The following PCSK2 variants were observed in gnomAD, a reference collection of about 807,000 sequenced individuals.
PCSK2 encodes neuroendocrine convertase 2.
In PCSK2, 14 loss-of-function variants were observed where a neutral mutation model predicts 69.7. The observed-to-expected ratio is 0.20, with a 90% CI of 0.13 to 0.31. The LOEUF is 0.31. Ranked by LOEUF, PCSK2 falls within the 10% of genes least tolerant of loss-of-function variation. The pLI is 1.00. For missense variants in PCSK2, 544 were observed against 842.5 expected, an observed-to-expected ratio of 0.65 and a Z score of 4.39; for synonymous variants, 307 against 320.7, an observed-to-expected ratio of 0.96 and a Z score of 0.46.
chr20:17,323,294 G>A (rs1461000355), intron 2 of PCSK2, among the ~76,000 whole-genome samples: 6 of 152,196 alleles, frequency 3.9e-5, no homozygotes, highest in Admixed American at 3.9e-4. Context: ...CACACAGAGG[G>A]ATGACCATGT....
At chr20:17,368,451 T>C (rs2030665100) in intron 4 of PCSK2, among the ~76,000 whole-genome samples, 1 of 152,180 alleles carries the variant, frequency 6.6e-6, no homozygotes. Flanking sequence ...TTATGCTAGA[T>C]GGTGTCAAGA....
chr20:17,272,947 G>C (rs1987927213), intron 2 of PCSK2, among the ~76,000 whole-genome samples: 1 of 152,074 alleles, frequency 6.6e-6, no homozygotes, highest in African/African-American at 2.4e-5. Flanking sequence ...AAAAGTACCA[G>C]ACCAACATGT....
intron 2 of PCSK2, among the ~76,000 whole-genome samples, chr20:17,341,927 C>A (rs952549636): frequency 6.6e-6 from 1 of 152,182 alleles, no homozygotes; most frequent in African/African-American, 2.4e-5. Context: ...ATTTTTGCAT[C>A]TTTCCAATCC....
chr20:17,238,717 G>T lies in PCSK2; in HGVS notation c.177+11235G>T, dbSNP rs76593141. ...AATTCATTTCAGGTCCTCCTGATGT[G>T]CTTTTTTGGTTTGTTTTTTTACCAT... On this transcript the variant is annotated intron_variant, in intron 1 of 11. Transcript: ENST00000262545. Among the ~76,000 whole-genome samples the T allele has an allele frequency of 2.6e-3, 401 of 152,102 alleles. 2 individuals are homozygous for T. The highest frequency in any genetic ancestry group is 9.1e-3 in the African/African-American group (378 of 41,484).
At chr20:17,475,839 C>G (rs1056992239) in intron 11 of PCSK2, among the ~76,000 whole-genome samples, 5 of 152,194 alleles carry the variant, frequency 3.3e-5, no homozygotes, top group African/African-American at 1.2e-4. Context: ...CAGTTACAGT[C>G]TTTGGTTGTT....
chr20:17,401,207 T>G (rs1414099506), intron 5 of PCSK2, among the ~76,000 whole-genome samples: 1 of 152,198 alleles, frequency 6.6e-6, no homozygotes, highest in African/African-American at 2.4e-5. Flanking sequence ...GGTAATCAAG[T>G]TTTTTAGTCT....
At chr20:17,335,191 A>AT in intron 2 of PCSK2, among the ~76,000 whole-genome samples, 1 of 74,156 alleles carries the variant, frequency 1.3e-5, no homozygotes, top group Admixed American at 1.8e-4. Flanking sequence ...GGCAGCGGAG[A>AT]TTGGGGGGGT....
At chr20:17,240,105 G>A (rs1986509773) in intron 1 of PCSK2, among the ~76,000 whole-genome samples, 1 of 151,696 alleles carries the variant, frequency 6.6e-6, no homozygotes, top group Non-Finnish European at 1.5e-5. Flanking sequence ...ACCTGCCTTG[G>A]TCTCTCAAAG....
chr20:17,453,749 G>A lies in PCSK2; in HGVS notation c.893G>A (p.Gly298Asp). The A allele has an allele frequency of 1.9e-6, 3 of 1,613,214 alleles. No homozygotes were observed. The highest frequency in any genetic ancestry group is 2.5e-6 in the Non-Finnish European group (3 of 1,179,882). ...AMADGVNKGR[G>D]GKGSIYVWAS... ...CTCCCCTGCTCTCCCCAGGGCCGCG[G>A]CGGCAAAGGCAGCATCTACGTGTGG... Residue 298 changes from glycine (G) to aspartate (D), a missense_variant, in exon 9 of 12, where the codon GGC becomes GAC. By Grantham distance (94) the Gly-to-Asp change is moderately conservative (BLOSUM62 -1). Around this residue, in one of 3 missense-constraint regions of PCSK2, gnomAD observed 187 missense variants for 399.8 expected, o/e 0.47. Coordinates refer to ENST00000262545, the MANE Select transcript of PCSK2 (RefSeq NM_002594.5). The surrounding 1 kb of genome is among the most constrained non-coding windows in gnomAD (Gnocchi z 4.0).
intron 2 of PCSK2, among the ~76,000 whole-genome samples, chr20:17,305,356 C>T (rs1377578457): frequency 6.6e-6 from 1 of 151,984 alleles, no homozygotes; most frequent in Non-Finnish European, 1.5e-5. Flanking sequence ...TGGAGAACTA[C>T]TTTTATGAAA....
intron 7 of PCSK2, among the ~76,000 whole-genome samples, chr20:17,430,627 G>A (rs1253001011): frequency 6.6e-6 from 1 of 152,148 alleles, no homozygotes; most frequent in East Asian, 1.9e-4. Context: ...TTAGCCCCTG[G>A]GTTTCAGCTC....
At chr20:17,390,948 A>G (rs1263649642) in intron 5 of PCSK2, among the ~76,000 whole-genome samples, 1 of 152,056 alleles carries the variant, frequency 6.6e-6, no homozygotes, top group East Asian at 1.9e-4. Context: ...ATTTAACAAC[A>G]TATTCTCTCC....
chr20:17,260,364 C>T lies in PCSK2; in HGVS notation c.282+20C>T. 3 of 1,527,916 alleles carry T rather than the reference C, an allele frequency of 2.0e-6. No homozygotes were observed. Among genetic ancestry groups the T allele is most frequent in the Non-Finnish European group, 1.8e-6 (2 of 1,101,700 alleles). The allele number at this position is 1,527,916 out of a possible 1,614,324, so 94.6% of individuals were successfully genotyped here. On this transcript the variant is annotated intron_variant, in intron 2 of 11. Transcript: ENST00000262545. The stretch of plus-strand genomic sequence containing the variant: ...CCCAGGGTGAGTTTTCCCCAGAAAC[C>T]TGCCTCCCAATCTCTGCTGCCATGG...
chr20:17,393,911 A>T (rs2123276826), intron 5 of PCSK2, among the ~76,000 whole-genome samples: 1 of 152,380 alleles, frequency 6.6e-6, no homozygotes, highest in Non-Finnish European at 1.5e-5. Context: ...GTACAAGTAC[A>T]GTAATGGAAA....
chr20:17,254,549 A>C (rs533403837), intron 1 of PCSK2, among the ~76,000 whole-genome samples: 1 of 152,210 alleles, frequency 6.6e-6, no homozygotes, highest in Non-Finnish European at 1.5e-5. Context: ...GTTTTATTCC[A>C]TTAAACTACT....
chr20:17,348,596 C>T (rs77364046), intron 2 of PCSK2, among the ~76,000 whole-genome samples: 16,002 of 152,104 alleles, frequency 0.11, 1,048 homozygotes, highest in Non-Finnish European at 0.15. Context: ...GGGCCACAGC[C>T]AGGGTGGCTT....
chr20:17,429,266 A>G (rs111378167), intron 6 of PCSK2, among the ~76,000 whole-genome samples, 169 bp from the exon 7 acceptor site: 3 of 152,256 alleles, frequency 2.0e-5, no homozygotes, highest in African/African-American at 7.2e-5. Context: ...TCAGCACTTT[A>G]AGTCTTCACA....
chr20:17,473,110 T>TTTC (rs2033232549), intron 11 of PCSK2, among the ~76,000 whole-genome samples: 1 of 146,256 alleles, frequency 6.8e-6, no homozygotes, highest in Admixed American at 6.8e-5. Flanking sequence ...TTTTTTTTTT[T>TTTC]TGAGATCGAG....
At chr20:17,364,489 C>G (rs1027139835) in intron 4 of PCSK2, among the ~76,000 whole-genome samples, 1 of 152,100 alleles carries the variant, frequency 6.6e-6, no homozygotes. Context: ...GAGATGAAAC[C>G]GTGTCTTACA....
Sources: gnomAD v4.1 joint callset for allele counts (sites outside exome capture counted in the v4.1 genomes callset) on GRCh38, gnomAD v4.1.1 for gene constraint, gnomAD v4.1.1 regional missense constraint, Gnocchi (gnomAD v3.1) non-coding constraint, MANE v1.5 for transcripts, NCBI Gene and HGNC (gene_info 2026-07-23, HGNC 2026-07-21) for gene names.